The following ZNF735 variants were observed in gnomAD, a reference collection of about 807,000 sequenced individuals.
ZNF735 encodes the protein zinc finger protein 735, also known as putative zinc finger protein 735.
A neutral mutation model predicts 13.4 loss-of-function variants in ZNF735; 11 were observed. The observed-to-expected ratio is 0.82, with a 90% CI of 0.52 to 1.36. ZNF735 has a LOEUF of 1.36. ZNF735 is among the 40% of genes most tolerant of loss of function. The pLI is 0.00. For missense variants in ZNF735, 500 were observed against 484.6 expected (o/e 1.03, Z -0.30); for synonymous variants, 171 against 162.6 (o/e 1.05, Z -0.39).
exon 1 of ZNF735, chr7:64,207,217 G>T (rs1317845109): frequency 1.2e-6 from 2 of 1,614,064 alleles, no homozygotes; most frequent in Admixed American, 1.7e-5. Context: ...CTAAAAGACC[G>T]GGACCCCCTG....
chr7:64,207,256 T>G lies in ZNF735; in HGVS notation c.39+15T>G, dbSNP rs1297624055. ...GCCGAGAAATGGTGAGTGCTGGGTCTGTCATCGTGAGAGAGGGGTGGGAGG... is the reference window on the plus strand; with the variant it reads ...GCCGAGAAATGGTGAGTGCTGGGTCGGTCATCGTGAGAGAGGGGTGGGAGG... On this transcript the variant is annotated intron_variant, in intron 1 of 3. Coordinates refer to ENST00000429565, the Ensembl canonical transcript of ZNF735. 2 of 1,614,002 alleles carry G rather than the reference T, an allele frequency of 1.2e-6. No homozygotes were observed. The highest frequency in any genetic ancestry group is 1.7e-6 in the Non-Finnish European group (2 of 1,180,034).
intron 1 of ZNF735, among the ~76,000 whole-genome samples, chr7:64,211,345 G>T (rs1787358197): frequency 6.6e-6 from 1 of 152,144 alleles, no homozygotes; most frequent in African/African-American, 2.4e-5. Context: ...AACATACCTT[G>T]TTGAGGTTTC....
intron 1 of ZNF735, 82 bp downstream of exon 1, chr7:64,207,323 T>C: frequency 6.2e-7 from 1 of 1,613,084 alleles, no homozygotes; most frequent in South Asian, 1.1e-5. Context: ...GGACCCATAC[T>C]TCCTCGCAGT....
intron 1 of ZNF735, among the ~76,000 whole-genome samples, chr7:64,209,971 T>G (rs1249473047): frequency 6.6e-6 from 1 of 152,164 alleles, no homozygotes; most frequent in Non-Finnish European, 1.5e-5. Context: ...ATTTTGTATG[T>G]TTTTTGTATT....
At chr7:64,210,992 A>C (rs1483920931) in intron 1 of ZNF735, among the ~76,000 whole-genome samples, 8 of 152,210 alleles carry the variant, frequency 5.3e-5, no homozygotes, top group South Asian at 4.1e-4. Context: ...TCAGATCAAG[A>C]GCAGTGTCCA....
At chr7:64,219,532 A>C (rs1174798557) in exon 4 of ZNF735, 2 of 1,599,164 alleles carry the variant, frequency 1.3e-6, no homozygotes, top group Non-Finnish European at 1.7e-6. Flanking sequence ...TCAGACTCAT[A>C]AATGTGTCAA....
intron 2 of ZNF735, 97 bp from the exon 3 acceptor site, chr7:64,213,916 G>T: frequency 8.6e-7 from 1 of 1,162,340 alleles, no homozygotes; most frequent in East Asian, 3.3e-5. Flanking sequence ...CTGAGATCAT[G>T]CCACTGCACT....
intron 1 of ZNF735, among the ~76,000 whole-genome samples, chr7:64,212,370 A>G (rs1421688641): frequency 6.6e-6 from 1 of 152,242 alleles, no homozygotes; most frequent in Non-Finnish European, 1.5e-5. Context: ...CTGAAACAAA[A>G]TCTCACAACA....
chr7:64,212,156 C>A (rs1787368349), intron 1 of ZNF735, among the ~76,000 whole-genome samples: 3 of 152,102 alleles, frequency 2.0e-5, no homozygotes, highest in African/African-American at 7.2e-5. Context: ...CACATTTAAT[C>A]TGGAAGCTGT....
chr7:64,212,984 G>A (rs1787377622), intron 1 of ZNF735, 108 bp from the exon 2 acceptor site: 3 of 1,214,054 alleles, frequency 2.5e-6, no homozygotes, highest in Middle Eastern at 2.0e-4. Flanking sequence ...TCTTGTAAGT[G>A]AGAAACACTT....
intron 1 of ZNF735, among the ~76,000 whole-genome samples, chr7:64,208,259 T>TG (rs1787315762): frequency 1.5e-5 from 1 of 64,852 alleles, no homozygotes; most frequent in African/African-American, 6.0e-5. Flanking sequence ...TTTTTTTTTT[T>TG]TTTTTTTTTT....
chr7:64,216,044 C>A (rs1198521049), intron 3 of ZNF735, among the ~76,000 whole-genome samples: 4 of 151,932 alleles, frequency 2.6e-5, no homozygotes, highest in Non-Finnish European at 5.9e-5. Flanking sequence ...ACCTGTAATC[C>A]CAGCACTTTG....
At chr7:64,211,890 A>AAT (rs34863437) in intron 1 of ZNF735, among the ~76,000 whole-genome samples, 89 of 96,528 alleles carry the variant, frequency 9.2e-4, no homozygotes, top group East Asian at 8.7e-3. Flanking sequence ...AAAGAAAAAA[A>AAT]ATATATATAT....
chr7:64,214,923 G>A (rs1787401967), intron 3 of ZNF735, among the ~76,000 whole-genome samples: 1 of 151,758 alleles, frequency 6.6e-6, no homozygotes, highest in Admixed American at 6.6e-5. Flanking sequence ...CCTAATTGAT[G>A]TAAGGTAATT....
chr7:64,215,216 T>G (rs574978994), intron 3 of ZNF735, among the ~76,000 whole-genome samples: 15 of 151,986 alleles, frequency 9.9e-5, no homozygotes, highest in Non-Finnish European at 1.9e-4. Flanking sequence ...TGTGCCACCA[T>G]GCCCAGCTAA....
At chr7:64,213,047 A>G (rs577995828) in intron 1 of ZNF735, 45 bp from the exon 2 acceptor site, 7 of 1,569,992 alleles carry the variant, frequency 4.5e-6, no homozygotes, top group Admixed American at 1.9e-5. Context: ...GCTTACGGCC[A>G]TATGGTAAGT....
intron 1 of ZNF735, among the ~76,000 whole-genome samples, chr7:64,208,244 G>GTTTTTTTTTTTTT (rs71060562): frequency 1.1e-5 from 1 of 93,094 alleles, no homozygotes; most frequent in Non-Finnish European, 2.1e-5. Context: ...TCCAATAAAT[G>GTTTTTTTTTTTTT]TTTTTTTTTT....
Position 64,219,176 on chromosome 7 carries a change from T to A in ZNF735, c.263-138T>A. 3.6e-6 allele frequency: 4 copies of A among 1,100,574 alleles called. No homozygotes were observed. In the South Asian group the frequency reaches 6.9e-5, roughly 19 times the overall value. The allele number at this position is 1,100,574 out of a possible 1,614,324, so 68.2% of individuals were successfully genotyped here. On this transcript the variant is annotated intron_variant, in intron 3 of 3. Transcript: ENST00000429565. ...TATGATTTTGTTACATTTATATATC[T>A]ATGAAGGAATTATGGCCTGTGGTAT...
intron 3 of ZNF735, among the ~76,000 whole-genome samples, chr7:64,217,282 T>C (rs562722069): frequency 6.6e-6 from 1 of 152,334 alleles, no homozygotes; most frequent in African/African-American, 2.4e-5. Flanking sequence ...TCCACTGTAA[T>C]TGCAAGCTTC....
Sources: gnomAD v4.1 joint callset for allele counts (sites outside exome capture counted in the v4.1 genomes callset) on GRCh38, gnomAD v4.1.1 for gene constraint, MANE v1.5 for transcripts, NCBI Gene and HGNC (gene_info 2026-07-23, HGNC 2026-07-21) for gene names.